Variants in SNTB1 observed in about 807,000 individuals in gnomAD.
SNTB1 encodes the protein beta-1-syntrophin.
SNTB1 carries 36 observed loss-of-function variants against 48.9 expected under a neutral mutation model. The ratio of observed to expected loss-of-function variants is 0.74; its 90% CI spans 0.56 to 0.97. The LOEUF (loss-of-function observed/expected upper bound fraction) is 0.97. Among genes scored for constraint, SNTB1 ranks in the 50% least tolerant of loss-of-function variants. The pLI is 0.00. For missense variants in SNTB1, 786 were observed against 703.4 expected, an observed-to-expected ratio of 1.12 and a Z score of -1.33; for synonymous variants, 299 against 294.6, an observed-to-expected ratio of 1.01 and a Z score of -0.15.
intron 1 of SNTB1, among the ~76,000 whole-genome samples, chr8:120,716,588 G>C (rs1324962382): frequency 6.6e-6 from 1 of 152,096 alleles, no homozygotes; most frequent in Non-Finnish European, 1.5e-5. Flanking sequence ...TGATGTTCAG[G>C]ATTTTGATAC....
intron 2 of SNTB1, among the ~76,000 whole-genome samples, chr8:120,690,340 G>T (rs1012035091): frequency 1.3e-5 from 2 of 152,120 alleles, no homozygotes; most frequent in African/African-American, 4.8e-5. Flanking sequence ...GTATTTATCT[G>T]TGTCCTCTAC....
intron 3 of SNTB1, among the ~76,000 whole-genome samples, chr8:120,576,798 G>T (rs990989390): frequency 6.6e-6 from 1 of 152,164 alleles, no homozygotes; most frequent in Admixed American, 6.5e-5. Flanking sequence ...GCAGAGGGTG[G>T]TTGTGAAGAT....
intron 4 of SNTB1, among the ~76,000 whole-genome samples, chr8:120,567,798 A>G (rs987465951): frequency 2.8e-5 from 4 of 142,646 alleles, no homozygotes; most frequent in African/African-American, 1.1e-4. Context: ...ATTTTTTAAA[A>G]ACATAGCTCT....
chr8:120,670,282 G>A (rs886823139), intron 2 of SNTB1, among the ~76,000 whole-genome samples: 1 of 152,202 alleles, frequency 6.6e-6, no homozygotes, highest in Admixed American at 6.5e-5. Flanking sequence ...TAATACGATG[G>A]TTCCATGACA....
At chr8:120,763,695 A>G (rs780107004) in intron 1 of SNTB1, among the ~76,000 whole-genome samples, 11 of 152,200 alleles carry the variant, frequency 7.2e-5, no homozygotes, top group Non-Finnish European at 5.9e-5. Flanking sequence ...GACAACCTAT[A>G]AGAATTAACC....
chr8:120,605,686 C>G (rs888138082), intron 3 of SNTB1, among the ~76,000 whole-genome samples: 8 of 152,122 alleles, frequency 5.3e-5, no homozygotes, highest in Admixed American at 5.2e-4. Flanking sequence ...ATGATGACCT[C>G]ACATTTGTTA....
chr8:120,789,239 A>G (rs1265522245), intron 1 of SNTB1, among the ~76,000 whole-genome samples: 1 of 152,082 alleles, frequency 6.6e-6, no homozygotes, highest in Admixed American at 6.5e-5. Flanking sequence ...GATATAGCAA[A>G]AGGCGTGCTA....
At chr8:120,562,009 C>T (rs762498752) in intron 4 of SNTB1, among the ~76,000 whole-genome samples, 9 of 152,210 alleles carry the variant, frequency 5.9e-5, no homozygotes, top group Non-Finnish European at 1.3e-4. Flanking sequence ...TCCTACCCTC[C>T]CCAAACCCAT....
intron 3 of SNTB1, among the ~76,000 whole-genome samples, chr8:120,619,298 C>CATAT (rs34972312): frequency 2.9e-4 from 43 of 147,542 alleles, no homozygotes; most frequent in African/African-American, 3.9e-4. Context: ...GAAAATTATA[C>CATAT]ATATATATAT....
intron 1 of SNTB1, among the ~76,000 whole-genome samples, chr8:120,750,281 CA>C (rs1222400894): frequency 1.3e-5 from 2 of 152,066 alleles, no homozygotes; most frequent in Non-Finnish European, 2.9e-5. Context: ...AAAAGCTCAA[CA>C]AGTATCTTGA....
intron 3 of SNTB1, among the ~76,000 whole-genome samples, chr8:120,606,986 A>G (rs957007518): frequency 6.6e-6 from 1 of 152,200 alleles, no homozygotes; most frequent in Non-Finnish European, 1.5e-5. Flanking sequence ...GAGGGGTAAA[A>G]TTATCATAAT....
intron 1 of SNTB1, among the ~76,000 whole-genome samples, chr8:120,760,406 A>T (rs566011052): frequency 2.0e-5 from 3 of 152,154 alleles, no homozygotes; most frequent in Non-Finnish European, 4.4e-5. Flanking sequence ...AGATACAAAG[A>T]ATTATATCTT....
intron 2 of SNTB1, among the ~76,000 whole-genome samples, chr8:120,687,900 C>A (rs76852278): frequency 0.029 from 4,397 of 152,238 alleles, 73 homozygotes; most frequent in East Asian, 0.072. Flanking sequence ...ACACTATGCC[C>A]ACTAAATCAA....
At chr8:120,545,079 C>T (rs1815354910) in intron 5 of SNTB1, among the ~76,000 whole-genome samples, 2 of 152,186 alleles carry the variant, frequency 1.3e-5, no homozygotes, top group South Asian at 4.1e-4. Context: ...TGCAGTGGCT[C>T]ATGCCTGTAA....
At chr8:120,702,707 C>T (rs1465957379) in intron 1 of SNTB1, among the ~76,000 whole-genome samples, 1 of 152,182 alleles carries the variant, frequency 6.6e-6, no homozygotes, top group African/African-American at 2.4e-5. Context: ...TATTTATATG[C>T]AATTGTTTGC....
intron 3 of SNTB1, among the ~76,000 whole-genome samples, chr8:120,617,277 A>G (rs966400092): frequency 6.6e-6 from 1 of 152,178 alleles, no homozygotes; most frequent in Non-Finnish European, 1.5e-5. Context: ...CACTCTATAA[A>G]GCCCCAAGCA....
intron 2 of SNTB1, among the ~76,000 whole-genome samples, chr8:120,651,973 A>T (rs1037366402): frequency 6.6e-6 from 1 of 152,230 alleles, no homozygotes; most frequent in African/African-American, 2.4e-5. Context: ...AGATGAGTTC[A>T]ATTAGGAGGG....
At chr8:120,594,567 T>A (rs749022807) in intron 3 of SNTB1, among the ~76,000 whole-genome samples, 17 of 151,962 alleles carry the variant, frequency 1.1e-4, no homozygotes, top group Non-Finnish European at 1.5e-4. Flanking sequence ...AGAGACAGGG[T>A]CTTGCTATGT....
chr8:120,754,432 T>G (rs909163195), intron 1 of SNTB1, among the ~76,000 whole-genome samples: 3 of 152,088 alleles, frequency 2.0e-5, no homozygotes, highest in African/African-American at 7.2e-5. Flanking sequence ...TATAGTGAGC[T>G]GTGATTGTGC....
Sources: allele counts gnomAD v4.1 joint callset (sites outside exome capture counted in the v4.1 genomes callset), GRCh38; gene constraint gnomAD v4.1.1; transcripts MANE v1.5; gene names NCBI Gene and HGNC (gene_info 2026-07-23, HGNC 2026-07-21).